KCND2: variants seen among roughly 807,000 people sequenced by gnomAD.
KCND2 encodes potassium voltage-gated channel subfamily D member 2, also known as A-type voltage-gated potassium channel KCND2.
KCND2 carries 16 observed loss-of-function variants against 54.4 expected under a neutral mutation model. The ratio of observed to expected loss-of-function variants is 0.29; its 90% CI spans 0.20 to 0.45. The LOEUF is 0.45. Among genes scored for constraint, KCND2 ranks in the 20% least tolerant of loss-of-function variants. KCND2 has a pLI of 1.00. For missense variants in KCND2, 486 were observed against 824.2 expected (o/e 0.59, Z 5.02); for synonymous variants, 317 against 310.7 (o/e 1.02, Z -0.21).
intron 1 of KCND2, among the ~76,000 whole-genome samples, chr7:120,322,443 T>C (rs1160083257): frequency 6.6e-6 from 1 of 152,152 alleles, no homozygotes; most frequent in Non-Finnish European, 1.5e-5. Flanking sequence ...CTCTTTCTGC[T>C]AAACATCATT....
At chr7:120,327,152 G>T (rs920843131) in intron 1 of KCND2, among the ~76,000 whole-genome samples, 1 of 151,980 alleles carries the variant, frequency 6.6e-6, no homozygotes, top group South Asian at 2.1e-4. Context: ...TTTAAACATG[G>T]ACTCTATTTC....
intron 1 of KCND2, among the ~76,000 whole-genome samples, chr7:120,583,102 A>G (rs1792540525): frequency 1.3e-5 from 2 of 152,094 alleles, no homozygotes; most frequent in Admixed American, 1.3e-4. Flanking sequence ...CATAGTTAAG[A>G]TGGTATAGAT....
chr7:120,715,464 C>T (rs188960678), intron 1 of KCND2, among the ~76,000 whole-genome samples: 1 of 152,180 alleles, frequency 6.6e-6, no homozygotes, highest in African/African-American at 2.4e-5. Flanking sequence ...TAATGAGATG[C>T]TCCTGCTCTC....
chr7:120,479,152 T>C (rs1054204141), intron 1 of KCND2, among the ~76,000 whole-genome samples: 3 of 152,172 alleles, frequency 2.0e-5, no homozygotes, highest in African/African-American at 2.4e-5. Context: ...ATTATGCTTA[T>C]AGCCTCATCA....
chr7:120,419,596 T>A (rs1219374164), intron 1 of KCND2, among the ~76,000 whole-genome samples: 1 of 152,160 alleles, frequency 6.6e-6, no homozygotes, highest in African/African-American at 2.4e-5. Flanking sequence ...GTGGGGAAGA[T>A]GTTATATATG....
At chr7:120,583,466 C>A (rs924838784) in intron 1 of KCND2, among the ~76,000 whole-genome samples, 1 of 152,032 alleles carries the variant, frequency 6.6e-6, no homozygotes, top group Non-Finnish European at 1.5e-5. Context: ...GTACCATATA[C>A]TGGGTACTAT....
intron 3 of KCND2, chr7:120,742,277 A>G: frequency 2.0e-6 from 1 of 502,928 alleles, no homozygotes; most frequent in Non-Finnish European, 3.6e-6. Context: ...AGTAAAAGAG[A>G]TTTCAAATTT....
At chr7:120,542,823 G>A (rs1280328730) in intron 1 of KCND2, among the ~76,000 whole-genome samples, 1 of 152,074 alleles carries the variant, frequency 6.6e-6, no homozygotes, top group African/African-American at 2.4e-5. Context: ...GCATTACAAT[G>A]TAGCAAATAG....
chr7:120,697,490 C>G (rs1470964558), intron 1 of KCND2, among the ~76,000 whole-genome samples: 1 of 152,108 alleles, frequency 6.6e-6, no homozygotes, highest in African/African-American at 2.4e-5. Context: ...ATATGCTAAA[C>G]AGGATTTAAC....
intron 1 of KCND2, among the ~76,000 whole-genome samples, chr7:120,397,985 GTGTGTGTGTGTATATATATA>G (rs1266000217): frequency 1.1e-4 from 4 of 36,908 alleles, no homozygotes; most frequent in South Asian, 2.3e-3. Context: ...GTGTGTGTGT[GTGTGTGTGTGTATATATATA>G]TATATATATA....
intron 1 of KCND2, among the ~76,000 whole-genome samples, chr7:120,360,901 C>T (rs75505451): frequency 4.5e-3 from 681 of 152,136 alleles, no homozygotes; most frequent in African/African-American, 0.015. Flanking sequence ...TCTTTTTCTA[C>T]TTTGTGCTAT....
chr7:120,547,102 A>G (rs1792050660), intron 1 of KCND2, among the ~76,000 whole-genome samples: 1 of 152,044 alleles, frequency 6.6e-6, no homozygotes, highest in African/African-American at 2.4e-5. Context: ...ACTAAAAATA[A>G]AGTATAAAAT....
intron 1 of KCND2, among the ~76,000 whole-genome samples, chr7:120,570,510 C>T (rs886710274): frequency 4.6e-5 from 7 of 151,114 alleles, no homozygotes; most frequent in Non-Finnish European, 7.4e-5. Context: ...GTAGTATGAA[C>T]CAATAAAAAA....
intron 1 of KCND2, among the ~76,000 whole-genome samples, chr7:120,367,942 C>G (rs1800710864): frequency 6.6e-6 from 1 of 152,080 alleles, no homozygotes; most frequent in African/African-American, 2.4e-5. Flanking sequence ...CCTTTGGGAT[C>G]TTTGTTGCCA....
At chr7:120,546,623 TA>T (rs1388801084) in intron 1 of KCND2, among the ~76,000 whole-genome samples, 2 of 151,968 alleles carry the variant, frequency 1.3e-5, no homozygotes, top group African/African-American at 4.8e-5. Context: ...TTGTATTTTT[TA>T]TAATTCTTCT....
rs146970484 is a variant in KCND2 at position 120,496,041 on chromosome 7, G to GT, written c.1115+220295dup. 6.4e-3 allele frequency among the ~76,000 whole-genome samples: 975 copies of GT among 152,160 alleles called. 8 individuals carry two copies. Among genetic ancestry groups the GT allele is most frequent in the Middle Eastern group, 0.017 (5 of 294 alleles). Reference sequence around the variant, plus strand: ...ACAAGCAGATTCAGAATTAATGCAAGTAAGATGAGTCATTATCGAAGGTTG... The same window carrying GT: ...ACAAGCAGATTCAGAATTAATGCAAGTTAAGATGAGTCATTATCGAAGGTTG... On this transcript the variant is annotated intron_variant, in intron 1 of 5. Transcript: ENST00000331113.
chr7:120,430,796 G>A (rs1481009679), intron 1 of KCND2, among the ~76,000 whole-genome samples: 1 of 152,124 alleles, frequency 6.6e-6, no homozygotes, highest in Non-Finnish European at 1.5e-5. Context: ...TCTTCTGTAA[G>A]CCACACATTA....
At position 120,348,557 on chromosome 7, in the gene KCND2, T is replaced by C. The variant is rs142823515; in HGVS notation, c.1115+72810T>C. Among the ~76,000 whole-genome samples the C allele has an allele frequency of 1.3e-4, 20 of 152,334 alleles. No homozygotes were observed. In the East Asian group the frequency reaches 3.1e-3, roughly 23 times the overall value. ...ACTACCTTTATACATGCAACATAGCTAAGCAATTGTTTCTCTGATACAAAT... is the reference window on the plus strand; with the variant it reads ...ACTACCTTTATACATGCAACATAGCCAAGCAATTGTTTCTCTGATACAAAT... On this transcript the variant is annotated intron_variant, in intron 1 of 5. Coordinates refer to ENST00000331113, the MANE Select transcript of KCND2 (RefSeq NM_012281.3).
At chr7:120,309,303 A>G (rs1799692889) in intron 1 of KCND2, among the ~76,000 whole-genome samples, 1 of 152,028 alleles carries the variant, frequency 6.6e-6, no homozygotes, top group African/African-American at 2.4e-5. Context: ...AAGGAAGAGA[A>G]CAGAGGTGAC....
Sources: allele counts gnomAD v4.1 joint callset (sites outside exome capture counted in the v4.1 genomes callset), GRCh38; gene constraint gnomAD v4.1.1; transcripts MANE v1.5; gene names NCBI Gene and HGNC (gene_info 2026-07-23, HGNC 2026-07-21).